Variants in VPS13A observed in about 807,000 individuals in gnomAD.
VPS13A encodes the protein vacuolar protein sorting 13 homolog A.
A neutral mutation model predicts 390.9 loss-of-function variants in VPS13A; 264 were observed. That is an observed-to-expected ratio of 0.68 (90% CI 0.61 to 0.75). The LOEUF (loss-of-function observed/expected upper bound fraction) is 0.75. VPS13A is among the 30% of genes least tolerant of loss of function. The probability of loss-of-function intolerance (pLI) is 0.00; values close to 1 mark genes in which losing one functional copy is unlikely to be tolerated. For synonymous variants in VPS13A, 1,231 were observed against 1,227.1 expected (o/e 1.00, Z -0.07); for missense variants, 3,409 against 3,733.9 (o/e 0.91, Z 2.27).
intron 68 of VPS13A, among the ~76,000 whole-genome samples, chr9:77,400,365 T>G (rs1033914162): frequency 2.0e-5 from 3 of 152,214 alleles, no homozygotes; most frequent in Admixed American, 6.5e-5. Context: ...TATCTCTGTA[T>G]TGACAAATAT....
intron 45 of VPS13A, among the ~76,000 whole-genome samples, chr9:77,325,853 G>T (rs938997845): frequency 6.6e-6 from 1 of 151,954 alleles, no homozygotes; most frequent in Admixed American, 6.6e-5. Flanking sequence ...CATAATACAA[G>T]TTACTATTTT....
chr9:77,354,250 T>C (rs920797928), intron 54 of VPS13A, among the ~76,000 whole-genome samples: 1 of 152,092 alleles, frequency 6.6e-6, no homozygotes, highest in Non-Finnish European at 1.5e-5. Flanking sequence ...AATTCTTGAA[T>C]ATATATAAAG....
intron 58 of VPS13A, 149 bp downstream of exon 58, chr9:77,359,551 C>A: frequency 1.2e-6 from 1 of 841,732 alleles, no homozygotes; most frequent in African/African-American, 1.7e-5. Context: ...AATGTTGTGG[C>A]TCACGCCTGT....
chr9:77,405,120 A>G (rs971510680), intron 69 of VPS13A, among the ~76,000 whole-genome samples: 2 of 152,178 alleles, frequency 1.3e-5, no homozygotes, highest in Non-Finnish European at 2.9e-5. Context: ...GACAGAAGGT[A>G]TTTTCATTTC....
At chr9:77,394,992 A>G (rs1406559891) in intron 68 of VPS13A, among the ~76,000 whole-genome samples, 1 of 152,188 alleles carries the variant, frequency 6.6e-6, no homozygotes, top group African/African-American at 2.4e-5. Context: ...AACGTTCTCC[A>G]TATCAGCAAT....
In VPS13A at chr9:77,418,097, G is replaced by C. The variant is rs1835225633; in HGVS notation, c.*2091G>C. The C allele has an allele frequency of 6.6e-6, 1 of 152,150 alleles. No homozygotes were observed. Among genetic ancestry groups the C allele is most frequent in the Non-Finnish European group, 1.5e-5 (1 of 68,022 alleles). 9.4% of individuals were successfully genotyped at this position (152,150 alleles called of 1,614,324 possible). A position where few individuals can be genotyped will look rare whatever the true frequency, so the allele number is the denominator to read the frequency against. Reference sequence around the variant, plus strand: ...TTAGCATCACATTTTACAATTTACAGTTTTTGTTTGATTCTGTAGCCCATT... The same window carrying C: ...TTAGCATCACATTTTACAATTTACACTTTTTGTTTGATTCTGTAGCCCATT... On this transcript the variant is annotated 3_prime_UTR_variant, in exon 72 of 72. Transcript: ENST00000360280.
At chr9:77,199,905 A>T in intron 1 of VPS13A, 40 bp from the exon 2 acceptor site, 1 of 1,549,496 alleles carries the variant, frequency 6.5e-7, no homozygotes, top group Non-Finnish European at 8.8e-7. Context: ...TAAAATGAAA[A>T]ATATTTGATT....
chr9:77,266,441 G>A (rs1465673510), intron 23 of VPS13A, among the ~76,000 whole-genome samples: 1 of 152,048 alleles, frequency 6.6e-6, no homozygotes, highest in Non-Finnish European at 1.5e-5. Flanking sequence ...TCTCTTTGTA[G>A]GTCTCTTAAG....
At chr9:77,234,537 G>T (rs562957134) in intron 17 of VPS13A, among the ~76,000 whole-genome samples, 1 of 152,222 alleles carries the variant, frequency 6.6e-6, no homozygotes, top group South Asian at 2.1e-4. Context: ...GAATATTTTC[G>T]ATGGGTTTAT....
chr9:77,366,657 G>T, intron 60 of VPS13A, 70 bp from the exon 61 acceptor site: 1 of 1,375,464 alleles, frequency 7.3e-7, no homozygotes, highest in Non-Finnish European at 1.0e-6. Context: ...AAATTAAACT[G>T]ATTTTTTAAG....
At chr9:77,298,204 G>A (rs10125560) in intron 33 of VPS13A, among the ~76,000 whole-genome samples, 15,527 of 152,206 alleles carry the variant, frequency 0.1, 817 homozygotes, top group Middle Eastern at 0.13. Flanking sequence ...GATCTTGAAA[G>A]AAATCCAGAA....
intron 13 of VPS13A, among the ~76,000 whole-genome samples, chr9:77,222,098 A>C (rs1372491270): frequency 6.6e-6 from 1 of 152,170 alleles, no homozygotes; most frequent in Non-Finnish European, 1.5e-5. Flanking sequence ...TCTTGAAGTT[A>C]ATGTAAACAT....
At chr9:77,387,486 C>T (rs1332333873) in intron 68 of VPS13A, among the ~76,000 whole-genome samples, 1 of 152,106 alleles carries the variant, frequency 6.6e-6, no homozygotes, top group Non-Finnish European at 1.5e-5. Context: ...GAGTGATTAC[C>T]TGGAGATTCC....
intron 1 of VPS13A, among the ~76,000 whole-genome samples, chr9:77,184,755 A>G (rs983504688): frequency 2.0e-5 from 3 of 152,082 alleles, no homozygotes; most frequent in Non-Finnish European, 2.9e-5. Flanking sequence ...ATGTTGAACT[A>G]GCCTTGCATA....
At chr9:77,383,123 A>G (rs1013807399) in intron 68 of VPS13A, 1 of 820,664 alleles carries the variant, frequency 1.2e-6, no homozygotes, top group African/African-American at 1.9e-5. Context: ...TAATGTGATC[A>G]GAGTAAAGAT....
chr9:77,209,390 T>G lies in VPS13A; in HGVS notation c.386-33T>G, dbSNP rs904834329. 34 of 1,457,036 alleles carry G rather than the reference T, an allele frequency of 2.3e-5. No individual in the cohort carries two copies. In the African/African-American group the frequency reaches 4.5e-4, roughly 19 times the overall value. 90.3% of individuals were successfully genotyped at this position (1,457,036 alleles called of 1,614,324 possible). ...GATATTTATAGAGTATATTTTTCAT[T>G]CAATTTTAAAAAAGGAATATTTGCA... On this transcript the variant is annotated intron_variant, in intron 5 of 71. Transcript: ENST00000360280.
At chr9:77,277,271 AC>A (rs1372458562) in intron 26 of VPS13A, among the ~76,000 whole-genome samples, 2 of 152,186 alleles carry the variant, frequency 1.3e-5, no homozygotes, top group African/African-American at 4.8e-5. Context: ...TTTTAAATAG[AC>A]TATTTTTTAG....
intron 31 of VPS13A, among the ~76,000 whole-genome samples, chr9:77,286,686 T>C (rs1827342695): frequency 6.6e-6 from 1 of 152,162 alleles, no homozygotes; most frequent in Non-Finnish European, 1.5e-5. Flanking sequence ...AAGCTTTATG[T>C]AGGGACTTTG....
rs768605295 is a variant in VPS13A at position 77,353,454 on chromosome 9, G to C, written c.7465G>C (p.Val2489Leu). Residue 2489 changes from valine to leucine, a missense_variant, in exon 54 of 72, where the codon GTT becomes CTT. Val to Leu is a conservative substitution (Grantham distance 32). This residue lies in a region of VPS13A where 2,717 missense variants were observed against 2,917.4 expected (regional missense o/e 0.93). Coordinates refer to ENST00000360280, the MANE Select transcript of VPS13A (RefSeq NM_033305.3). ...IDLGEKTIYL[V>L]SFFEGLQRII... ...TTTGGGGGAAAAGACAATATATTTA[G>C]TTTCATTCTTTGAAGGTTTACAACG... The C allele has an allele frequency of 1.6e-5, 25 of 1,604,130 alleles. No individual in the cohort carries two copies. Among genetic ancestry groups the C allele is most frequent in the Non-Finnish European group, 3.4e-6 (4 of 1,174,798 alleles).
Sources: allele counts gnomAD v4.1 joint callset (sites outside exome capture counted in the v4.1 genomes callset), GRCh38; gene constraint gnomAD v4.1.1; regional missense constraint gnomAD v4.1.1; transcripts MANE v1.5; gene names NCBI Gene and HGNC (gene_info 2026-07-23, HGNC 2026-07-21).